IQCJ: variants seen among roughly 807,000 people sequenced by gnomAD.
The protein encoded by IQCJ is IQ motif containing J, also known as IQ domain-containing protein J.
Under a neutral mutation model 11.0 loss-of-function variants are expected in IQCJ, and 9 were observed. The observed-to-expected ratio is 0.82, with a 90% CI of 0.49 to 1.43. IQCJ has a LOEUF of 1.43. IQCJ is among the 40% of genes most tolerant of loss of function. The probability of loss-of-function intolerance (pLI) is 0.00; values close to 1 mark genes in which losing one functional copy is unlikely to be tolerated. For missense variants in IQCJ, 146 were observed against 133.2 expected, an observed-to-expected ratio of 1.10 and a Z score of -0.47; for synonymous variants, 55 against 51.3, an observed-to-expected ratio of 1.07 and a Z score of -0.31.
intron 1 of IQCJ, among the ~76,000 whole-genome samples, chr3:159,152,640 T>C (rs1195271729): frequency 6.6e-6 from 1 of 152,226 alleles, no homozygotes; most frequent in Admixed American, 6.5e-5. Context: ...TGAACAATCA[T>C]TGAGTACTTA....
At chr3:159,196,995 A>G (rs1225569723) in intron 1 of IQCJ, among the ~76,000 whole-genome samples, 1 of 151,978 alleles carries the variant, frequency 6.6e-6, no homozygotes, top group South Asian at 2.1e-4. Context: ...GATGAAAACA[A>G]ATGTTGATCA....
intron 1 of IQCJ, among the ~76,000 whole-genome samples, chr3:159,149,176 C>T (rs1560003726): frequency 6.6e-6 from 1 of 152,290 alleles, no homozygotes; most frequent in Non-Finnish European, 1.5e-5. Flanking sequence ...TTCCGGTGCT[C>T]ACACGGGCAC....
intron 1 of IQCJ, among the ~76,000 whole-genome samples, chr3:159,237,849 A>G (rs2108171631): frequency 6.6e-6 from 1 of 152,346 alleles, no homozygotes; most frequent in South Asian, 2.1e-4. Context: ...AATATGATTA[A>G]TTAATATGAT....
chr3:159,222,752 G>T (rs1725624789), intron 1 of IQCJ, among the ~76,000 whole-genome samples: 1 of 152,008 alleles, frequency 6.6e-6, no homozygotes, highest in African/African-American at 2.4e-5. Flanking sequence ...ATATTAAATT[G>T]CTTACCTATA....
intron 1 of IQCJ, among the ~76,000 whole-genome samples, chr3:159,088,817 G>T (rs1479417385): frequency 7.2e-5 from 11 of 152,144 alleles, no homozygotes; most frequent in Middle Eastern, 6.8e-3. Flanking sequence ...GTGTGTCTCT[G>T]CACGTGAGAT....
intron 1 of IQCJ, among the ~76,000 whole-genome samples, chr3:159,112,264 A>G (rs1274225483): frequency 6.6e-6 from 1 of 151,992 alleles, no homozygotes; most frequent in Non-Finnish European, 1.5e-5. Context: ...AACCCCAGAG[A>G]TTTCTGCCAT....
At chr3:159,245,792 C>T (rs1218438284) in intron 1 of IQCJ, 51 bp from the exon 2 acceptor site, 1 of 1,443,414 alleles carries the variant, frequency 6.9e-7, no homozygotes, top group Non-Finnish European at 9.5e-7. Context: ...AATAGCATTG[C>T]TCGGAAGTAG....
chr3:159,250,967 CCATG>C (rs1392187840), intron 2 of IQCJ, among the ~76,000 whole-genome samples: 2 of 152,208 alleles, frequency 1.3e-5, no homozygotes, highest in Admixed American at 1.3e-4. Context: ...ATTTTATCCT[CCATG>C]CTTTGCATCA....
intron 1 of IQCJ, among the ~76,000 whole-genome samples, chr3:159,197,760 G>T (rs959787475): frequency 1.3e-5 from 2 of 152,008 alleles, no homozygotes; most frequent in Non-Finnish European, 2.9e-5. Context: ...CTGTGCAAAG[G>T]GAGCAGCTAC....
chr3:159,077,209 A>G (rs1715982949), intron 1 of IQCJ, among the ~76,000 whole-genome samples: 1 of 152,128 alleles, frequency 6.6e-6, no homozygotes. Flanking sequence ...ATCTATACCC[A>G]TTGTTGGCAA....
chr3:159,079,443 C>T (rs556332088), intron 1 of IQCJ, among the ~76,000 whole-genome samples: 1 of 152,066 alleles, frequency 6.6e-6, no homozygotes, highest in South Asian at 2.1e-4. Context: ...TATTTGCTAG[C>T]TATTTAGCTT....
chr3:159,089,290 CT>C (rs1272994080), intron 1 of IQCJ, among the ~76,000 whole-genome samples: 1 of 152,200 alleles, frequency 6.6e-6, no homozygotes, highest in East Asian at 1.9e-4. Context: ...GAAAGATCCG[CT>C]GTTAGTCTGA....
Position 159,106,009 on chromosome 3 carries a change from G to A in IQCJ, c.9+36568G>A, listed in dbSNP as rs1718232454. On this transcript the variant is annotated intron_variant, in intron 1 of 3. Coordinates refer to ENST00000397832, the MANE Select transcript of IQCJ (RefSeq NM_001042706.3). ...GATTATTTCAACAGCCTGAAGTTGT[G>A]GCTGTAAGAATGGTGAGAAGTTGTC... Among the ~76,000 whole-genome samples, 2 of 152,182 alleles carry A rather than the reference G, an allele frequency of 1.3e-5. 1 individual carries two copies. The highest frequency in any genetic ancestry group is 4.1e-4 in the South Asian group (2 of 4,836).
At chr3:159,165,788 AT>A (rs35878681) in intron 1 of IQCJ, among the ~76,000 whole-genome samples, 30,558 of 106,468 alleles carry the variant, frequency 0.29, 3,696 homozygotes, top group South Asian at 0.41. Context: ...TAATTTTTGT[AT>A]TTTTTTTTTT....
intron 1 of IQCJ, among the ~76,000 whole-genome samples, chr3:159,113,641 G>A (rs972685120): frequency 1.3e-5 from 2 of 152,342 alleles, no homozygotes; most frequent in South Asian, 4.1e-4. Context: ...TGGCACCTTA[G>A]TGTAACAGGC....
intron 3 of IQCJ, among the ~76,000 whole-genome samples, chr3:159,254,866 G>C (rs984100502): frequency 2.0e-5 from 3 of 152,118 alleles, no homozygotes; most frequent in African/African-American, 7.2e-5. Context: ...CTATGTTTTG[G>C]GACTCTGAGG....
intron 1 of IQCJ, among the ~76,000 whole-genome samples, chr3:159,115,311 G>A (rs1292340875): frequency 6.6e-6 from 1 of 152,158 alleles, no homozygotes; most frequent in Non-Finnish European, 1.5e-5. Flanking sequence ...ACACATGGAT[G>A]GTGAAAAAGG....
At position 159,122,980 on chromosome 3, in the gene IQCJ, C is replaced by G. The variant is rs555350617; in HGVS notation, c.9+53539C>G. On this transcript the variant is annotated intron_variant, in intron 1 of 3. Coordinates refer to ENST00000397832, the MANE Select transcript of IQCJ (RefSeq NM_001042706.3). ...ATGGTTTTTCTCTTATTTGAACTTT[C>G]AGAGGGAAGCAGCATTTATCTCGGT... Among the ~76,000 whole-genome samples the G allele has an allele frequency of 5.9e-5, 9 of 152,152 alleles. 1 individual carries two copies. Among genetic ancestry groups the G allele is most frequent in the African/African-American group, 2.2e-4 (9 of 41,516 alleles).
At chr3:159,105,817 TCA>T in intron 1 of IQCJ, among the ~76,000 whole-genome samples, 1 of 152,078 alleles carries the variant, frequency 6.6e-6, no homozygotes, top group Non-Finnish European at 1.5e-5. Flanking sequence ...GATAGATACA[TCA>T]CACGCAGCCG....
Sources: allele counts gnomAD v4.1 joint callset (sites outside exome capture counted in the v4.1 genomes callset), GRCh38; gene constraint gnomAD v4.1.1; transcripts MANE v1.5; gene names NCBI Gene and HGNC (gene_info 2026-07-23, HGNC 2026-07-21).